Variants in SV2C observed in about 807,000 individuals in gnomAD.
SV2C encodes the protein solute carrier family 22 member B3.
SV2C carries 49 observed loss-of-function variants against 79.7 expected under a neutral mutation model. That is an observed-to-expected ratio of 0.61 (90% CI 0.49 to 0.78). The LOEUF (loss-of-function observed/expected upper bound fraction) is 0.78, where lower values mean the gene tolerates loss of function less well. Among genes scored for constraint, SV2C ranks in the 30% least tolerant of loss-of-function variants. The pLI, the probability that SV2C is intolerant of heterozygous loss-of-function variation, is 0.00. For missense variants in SV2C, 833 were observed against 912.9 expected, an observed-to-expected ratio of 0.91 and a Z score of 1.13; for synonymous variants, 334 against 333.2, an observed-to-expected ratio of 1.00 and a Z score of -0.03.
the SV2C span, among the ~76,000 whole-genome samples, chr5:75,947,927 C>T: frequency 1.3e-5 from 2 of 151,652 alleles, no homozygotes; most frequent in African/African-American, 2.4e-5. Context: ...AAGTCTTATT[C>T]TACTCCATAA....
At chr5:76,026,408 G>A in the SV2C span, among the ~76,000 whole-genome samples, 1 of 152,070 alleles carries the variant, frequency 6.6e-6, no homozygotes, top group East Asian at 1.9e-4. Context: ...GATCTATTAG[G>A]GGGAGATTAT....
rs1232970137 is a variant in SV2C at position 76,328,170 on chromosome 5, C to A, written c.*2623C>A. The A allele has an allele frequency of 6.6e-6, 1 of 152,118 alleles. No individual in the cohort carries two copies. Among genetic ancestry groups the A allele is most frequent in the Non-Finnish European group, 1.5e-5 (1 of 68,026 alleles). 9.4% of individuals were successfully genotyped at this position (152,118 alleles called of 1,614,324 possible). ...GATTTAGCTGGAGATTAAGAAACAG[C>A]CAGGATATTAAACAGAAACTCTCAG... is the stretch of plus-strand genomic sequence containing the variant. On this transcript the variant is annotated 3_prime_UTR_variant, in exon 13 of 13. Coordinates refer to ENST00000502798, the MANE Select transcript of SV2C (RefSeq NM_014979.4).
chr5:76,010,492 A>G, the SV2C span, among the ~76,000 whole-genome samples: 1 of 152,184 alleles, frequency 6.6e-6, no homozygotes, highest in African/African-American at 2.4e-5. Context: ...ATAGAAGGAA[A>G]AATGAGCTCC....
chr5:75,894,847 GGAGAGACTT>G, the SV2C span, among the ~76,000 whole-genome samples: 1 of 151,942 alleles, frequency 6.6e-6, no homozygotes, highest in African/African-American at 2.4e-5. Flanking sequence ...CACATGCCCA[GGAGAGACTT>G]GAGAAGGACT....
chr5:76,106,135 G>A (rs866129783), intron 1 of SV2C, among the ~76,000 whole-genome samples: 2 of 152,054 alleles, frequency 1.3e-5, no homozygotes, highest in Non-Finnish European at 2.9e-5. Context: ...ACCAAAACCT[G>A]CTGCTTCTCT....
At chr5:75,892,178 T>G in the SV2C span, among the ~76,000 whole-genome samples, 5 of 151,964 alleles carry the variant, frequency 3.3e-5, no homozygotes, top group African/African-American at 1.2e-4. Flanking sequence ...TCCCTGGTAT[T>G]GTGTATCTTC....
intron 4 of SV2C, among the ~76,000 whole-genome samples, chr5:76,250,002 T>A (rs1005381290): frequency 3.3e-5 from 5 of 152,232 alleles, no homozygotes; most frequent in African/African-American, 1.2e-4. Context: ...TGTGGAATGA[T>A]CTTTCAGTTC....
the SV2C span, among the ~76,000 whole-genome samples, chr5:75,986,694 C>T: frequency 1.3e-5 from 2 of 152,016 alleles, no homozygotes; most frequent in African/African-American, 4.8e-5. Context: ...ACAAATACCA[C>T]TGGTTCCATT....
intron 4 of SV2C, among the ~76,000 whole-genome samples, chr5:76,263,185 A>G (rs1746537182): frequency 6.6e-6 from 1 of 152,126 alleles, no homozygotes; most frequent in South Asian, 2.1e-4. Context: ...CCATTATATG[A>G]TGCCCTTCTT....
chr5:76,152,602 T>C (rs1749637093), intron 2 of SV2C, among the ~76,000 whole-genome samples: 1 of 152,208 alleles, frequency 6.6e-6, no homozygotes, highest in African/African-American at 2.4e-5. Context: ...GATAGTCAAA[T>C]AGCAATTATA....
At chr5:76,205,741 T>C (rs1013666147) in intron 3 of SV2C, among the ~76,000 whole-genome samples, 21 of 151,882 alleles carry the variant, frequency 1.4e-4, no homozygotes, top group African/African-American at 4.6e-4. Context: ...AAACCAATTA[T>C]ATTTTCCACA....
the SV2C span, among the ~76,000 whole-genome samples, chr5:75,866,151 C>T: frequency 6.6e-6 from 1 of 152,148 alleles, no homozygotes; most frequent in Non-Finnish European, 1.5e-5. Flanking sequence ...AGTCTTTTAC[C>T]TATTTTTCGT....
At chr5:75,948,005 A>G in the SV2C span, among the ~76,000 whole-genome samples, 5 of 152,094 alleles carry the variant, frequency 3.3e-5, no homozygotes, top group Non-Finnish European at 5.9e-5. Flanking sequence ...TTACAAAAGC[A>G]TATTTTGTAG....
At chr5:76,318,845 A>G (rs1748724984) in intron 12 of SV2C, among the ~76,000 whole-genome samples, 1 of 152,180 alleles carries the variant, frequency 6.6e-6, no homozygotes, top group Non-Finnish European at 1.5e-5. Flanking sequence ...GCATGAAAAC[A>G]TATTTGATCT....
the SV2C span, among the ~76,000 whole-genome samples, chr5:76,050,741 C>A: frequency 1.3e-5 from 2 of 152,258 alleles, no homozygotes; most frequent in African/African-American, 4.8e-5. Flanking sequence ...TCTGTGTGTT[C>A]TGGAACAGAA....
chr5:75,849,863 T>C, the SV2C span, among the ~76,000 whole-genome samples: 1 of 152,174 alleles, frequency 6.6e-6, no homozygotes, highest in African/African-American at 2.4e-5. Context: ...CGATATTGGG[T>C]TTAGGACATA....
chr5:76,225,514 C>T (rs1055621581), intron 4 of SV2C, among the ~76,000 whole-genome samples: 13 of 152,018 alleles, frequency 8.6e-5, no homozygotes, highest in African/African-American at 3.1e-4. Flanking sequence ...CTGGTGAAAT[C>T]AAAGGAGGCA....
At chr5:76,294,744 A>G (rs1054377937) in intron 8 of SV2C, among the ~76,000 whole-genome samples, 3 of 152,212 alleles carry the variant, frequency 2.0e-5, no homozygotes, top group Non-Finnish European at 4.4e-5. Flanking sequence ...ACACGTGGTT[A>G]GTGGCTTCTG....
At chr5:75,944,417 A>G in the SV2C span, among the ~76,000 whole-genome samples, 1 of 152,276 alleles carries the variant, frequency 6.6e-6, no homozygotes, top group East Asian at 1.9e-4. Context: ...TCATTGGGTA[A>G]AAAATTTTTA....
Sources: gnomAD v4.1 joint callset for allele counts (sites outside exome capture counted in the v4.1 genomes callset) on GRCh38, gnomAD v4.1.1 for gene constraint, MANE v1.5 for transcripts, NCBI Gene and HGNC (gene_info 2026-07-23, HGNC 2026-07-21) for gene names.